Variants in PARD3B observed in about 807,000 individuals in gnomAD.
PARD3B encodes the protein partitioning defective 3 homolog B.
Under a neutral mutation model 130.2 loss-of-function variants are expected in PARD3B, and 103 were observed. That is an observed-to-expected ratio of 0.79 (90% CI 0.67 to 0.93). The LOEUF (loss-of-function observed/expected upper bound fraction) is 0.93, where lower values mean the gene tolerates loss of function less well. PARD3B is among the 40% of genes least tolerant of loss of function. The pLI is 0.00. For synonymous variants in PARD3B, 583 were observed against 553.2 expected (o/e 1.05, Z -0.76); for missense variants, 1,609 against 1,499.2 (o/e 1.07, Z -1.21).
intron 10 of PARD3B, among the ~76,000 whole-genome samples, chr2:205,143,057 G>A (rs2033099001): frequency 6.6e-6 from 1 of 152,130 alleles, no homozygotes; most frequent in Admixed American, 6.5e-5. Flanking sequence ...TAGCTTATGT[G>A]CTGAGACATA....
chr2:205,363,292 A>T (rs1395958081), intron 18 of PARD3B, among the ~76,000 whole-genome samples: 1 of 152,206 alleles, frequency 6.6e-6, no homozygotes, highest in African/African-American at 2.4e-5. Flanking sequence ...CCACAGTGGG[A>T]TGCCTGGATA....
At chr2:205,108,645 C>G (rs1311999738) in intron 5 of PARD3B, among the ~76,000 whole-genome samples, 1 of 152,052 alleles carries the variant, frequency 6.6e-6, no homozygotes, top group African/African-American at 2.4e-5. Context: ...ATGGAAGACC[C>G]GTTTGTCCTT....
At position 205,035,894 on chromosome 2, in the gene PARD3B, G is replaced by T. The variant is rs745944037; in HGVS notation, c.395-11687G>T. On this transcript the variant is annotated intron_variant, in intron 3 of 22. Coordinates refer to ENST00000406610, the MANE Select transcript of PARD3B (RefSeq NM_001302769.2). Reference sequence around the variant, plus strand: ...TATAAAATATATAATATATATAATGGGCTATATATATGAGATATATCTCTG... The same window carrying T: ...TATAAAATATATAATATATATAATGTGCTATATATATGAGATATATCTCTG... Among the ~76,000 whole-genome samples the T allele has an allele frequency of 4.1e-3, 400 of 96,894 alleles. 2 individuals carry two copies. The highest frequency in any genetic ancestry group is 5.7e-3 in the Non-Finnish European group (281 of 49,108). The allele number at this position is 96,894 out of a possible 152,430, so 63.6% of individuals were successfully genotyped here. A position where few individuals can be genotyped will look rare whatever the true frequency, so the allele number is the denominator to read the frequency against.
In PARD3B at chr2:205,615,405, C is replaced by T. The variant is rs756119770; in HGVS notation, c.3261-51C>T. The T allele has an allele frequency of 4.2e-5, 62 of 1,480,300 alleles. No individual in the cohort carries two copies. In the East Asian group the frequency reaches 9.1e-4, roughly 22 times the overall value. The allele number at this position is 1,480,300 out of a possible 1,614,324, so 91.7% of individuals were successfully genotyped here. On this transcript the variant is annotated intron_variant, in intron 22 of 22. Coordinates refer to ENST00000406610, the MANE Select transcript of PARD3B (RefSeq NM_001302769.2). ...GAGGCTGAGGAACATGTTCTCCAGC[C>T]GGACGGCCAGCTTAGGAGCTGCTAA...
At chr2:205,415,751 A>G (rs1304386052) in intron 19 of PARD3B, among the ~76,000 whole-genome samples, 1 of 152,150 alleles carries the variant, frequency 6.6e-6, no homozygotes, top group South Asian at 2.1e-4. Flanking sequence ...TAATTGTGAC[A>G]TAATAAACTA....
chr2:204,915,827 T>A (rs1378371736), intron 2 of PARD3B, among the ~76,000 whole-genome samples: 1 of 152,194 alleles, frequency 6.6e-6, no homozygotes, highest in Admixed American at 6.5e-5. Flanking sequence ...ATTAATGACA[T>A]CAGACAAATA....
intron 22 of PARD3B, among the ~76,000 whole-genome samples, chr2:205,609,659 C>T (rs972085571): frequency 6.6e-6 from 1 of 152,174 alleles, no homozygotes; most frequent in Non-Finnish European, 1.5e-5. Context: ...AAGTGAAAAA[C>T]CCAATGCATA....
intron 3 of PARD3B, among the ~76,000 whole-genome samples, chr2:205,013,228 T>C (rs559196626): frequency 1.3e-5 from 2 of 152,364 alleles, no homozygotes; most frequent in East Asian, 3.9e-4. Context: ...TGTTTTTATT[T>C]GCTCTAATTC....
intron 2 of PARD3B, among the ~76,000 whole-genome samples, chr2:204,874,402 G>C (rs2045756277): frequency 1.3e-5 from 2 of 152,092 alleles, no homozygotes; most frequent in Admixed American, 1.3e-4. Flanking sequence ...ATAAGTTTTG[G>C]TGCTTAAAAT....
intron 2 of PARD3B, among the ~76,000 whole-genome samples, chr2:204,765,295 TGGAGG>T (rs1238261793): frequency 6.6e-6 from 1 of 152,186 alleles, no homozygotes; most frequent in Non-Finnish European, 1.5e-5. Context: ...AGCCTGGGGT[TGGAGG>T]CCACAGTCTG....
At position 205,122,467 on chromosome 2, in the gene PARD3B, T is replaced by C. The variant is rs1463814281; in HGVS notation, c.1165+518T>C. 6.6e-6 allele frequency among the ~76,000 whole-genome samples: 1 copy of C among 152,250 alleles called. No individual in the cohort carries two copies. Among genetic ancestry groups the C allele is most frequent in the Non-Finnish European group, 1.5e-5 (1 of 68,038 alleles). On this transcript the variant is annotated intron_variant, in intron 8 of 22. Transcript: ENST00000406610. The surrounding 1 kb of genome is among the most constrained non-coding windows in gnomAD (Gnocchi z 4.3). Reference sequence around the variant, plus strand: ...TCAAAAGCATGTATAATATTTTCTTTCTTCATCTTTTTCAACTTTTCTATC... The same window carrying C: ...TCAAAAGCATGTATAATATTTTCTTCCTTCATCTTTTTCAACTTTTCTATC...
chr2:204,873,598 T>A (rs549253218), intron 2 of PARD3B, among the ~76,000 whole-genome samples: 46 of 152,088 alleles, frequency 3.0e-4, no homozygotes, highest in African/African-American at 1.1e-3. Flanking sequence ...CTTTTGAGGG[T>A]AGGCAAACAG....
Position 205,440,258 on chromosome 2 carries a change from G to A in PARD3B, c.2742-112G>A, listed in dbSNP as rs551099567. 24 of 1,062,254 alleles carry A rather than the reference G, an allele frequency of 2.3e-5. No individual in the cohort carries two copies. In the East Asian group the frequency reaches 5.6e-4, roughly 25 times the overall value. The allele number at this position is 1,062,254 out of a possible 1,614,324, so 65.8% of individuals were successfully genotyped here. ...GCATGCTGTGATCTTGAGTAAACAGGAGAATGACAGCTAAGAGACGAGGAA... is the reference window on the plus strand; with the variant it reads ...GCATGCTGTGATCTTGAGTAAACAGAAGAATGACAGCTAAGAGACGAGGAA... On this transcript the variant is annotated intron_variant, in intron 19 of 22. Transcript: ENST00000406610. This position sits in a 1 kb window ranked among gnomAD's most constrained non-coding sequence, Gnocchi z 4.2.
chr2:204,656,018 T>C (rs1442193330), intron 1 of PARD3B, among the ~76,000 whole-genome samples: 1 of 151,996 alleles, frequency 6.6e-6, no homozygotes, highest in Non-Finnish European at 1.5e-5. Flanking sequence ...GTCTGGGCCT[T>C]TTCTCATAGC....
At chr2:205,603,071 A>G (rs1430177198) in intron 22 of PARD3B, among the ~76,000 whole-genome samples, 1 of 152,134 alleles carries the variant, frequency 6.6e-6, no homozygotes, top group Non-Finnish European at 1.5e-5. Flanking sequence ...CTTTGTTCTC[A>G]GAGGTTTCAA....
chr2:204,764,759 T>G (rs192678889), intron 2 of PARD3B, among the ~76,000 whole-genome samples: 61 of 138,664 alleles, frequency 4.4e-4, no homozygotes, highest in African/African-American at 1.6e-3. Context: ...ATTTTTTAAT[T>G]TACATTTGAA....
intron 2 of PARD3B, among the ~76,000 whole-genome samples, chr2:204,702,666 C>T (rs2037949324): frequency 6.6e-6 from 1 of 152,098 alleles, no homozygotes; most frequent in Non-Finnish European, 1.5e-5. Flanking sequence ...CCTCTACCTC[C>T]TGGGTTCAAA....
intron 15 of PARD3B, among the ~76,000 whole-genome samples, chr2:205,226,968 GTTTATA>G (rs1438759956): frequency 6.6e-6 from 1 of 151,732 alleles, no homozygotes; most frequent in African/African-American, 2.4e-5. Context: ...ATTTCCATGT[GTTTATA>G]TTTAGTTTTC....
chr2:205,238,846 AAAAATATATATAT>A (rs1336310904), intron 15 of PARD3B, among the ~76,000 whole-genome samples: 1 of 80,078 alleles, frequency 1.2e-5, no homozygotes, highest in African/African-American at 5.9e-5. Flanking sequence ...AAAAAAAAAA[AAAAATATATATAT>A]ATATATATAT....
Sources: allele counts gnomAD v4.1 joint callset (sites outside exome capture counted in the v4.1 genomes callset), GRCh38; gene constraint gnomAD v4.1.1; non-coding constraint Gnocchi (gnomAD v3.1); transcripts MANE v1.5; gene names NCBI Gene and HGNC (gene_info 2026-07-23, HGNC 2026-07-21).